The following RASEF variants were observed in gnomAD, a reference collection of about 807,000 sequenced individuals.
The protein encoded by RASEF is ras and EF-hand domain-containing protein.
In RASEF, 68 loss-of-function variants were observed where a neutral mutation model predicts 90.1. The observed-to-expected ratio is 0.75, with a 90% CI of 0.62 to 0.92. The LOEUF (loss-of-function observed/expected upper bound fraction) is 0.92. RASEF is among the 40% of genes least tolerant of loss of function. The pLI is 0.00. For missense variants in RASEF, 949 were observed against 937.2 expected, an observed-to-expected ratio of 1.01 and a Z score of -0.16; for synonymous variants, 331 against 345.2, an observed-to-expected ratio of 0.96 and a Z score of 0.46.
intron 1 of RASEF, among the ~76,000 whole-genome samples, chr9:83,042,862 CAA>C (rs1829865869): frequency 6.6e-6 from 1 of 152,006 alleles, no homozygotes; most frequent in South Asian, 2.1e-4. Context: ...CTTCAACAGA[CAA>C]AAGACCCAGG....
the RASEF span, among the ~76,000 whole-genome samples, chr9:83,198,964 AG>A: frequency 6.6e-6 from 1 of 152,248 alleles, no homozygotes; most frequent in Non-Finnish European, 1.5e-5. Flanking sequence ...CTCTGCATAC[AG>A]GCTCATACGA....
chr9:82,986,044 G>A (rs1026769112), intron 16 of RASEF, among the ~76,000 whole-genome samples: 2 of 152,138 alleles, frequency 1.3e-5, no homozygotes, highest in South Asian at 2.1e-4. Context: ...AAGTTACCAG[G>A]TAGAGATGGT....
rs548693017 is a variant in RASEF at position 83,049,366 on chromosome 9, G to A, written c.431+13071C>T. On this transcript the variant is annotated intron_variant, in intron 1 of 16. Transcript: ENST00000376447. ...ACATCTCCACAGTCAATGTCCGTGCGGGACTGGCTCATACATGGCTATCTT... is the reference window on the plus strand; with the variant it reads ...ACATCTCCACAGTCAATGTCCGTGCAGGACTGGCTCATACATGGCTATCTT... The A allele has an allele frequency of 1.9e-4, 188 of 983,734 alleles. 1 individual carries two copies. The African/African-American group carries it at 2.4e-3, about 13-fold the overall frequency. 60.9% of individuals were successfully genotyped at this position (983,734 alleles called of 1,614,324 possible).
chr9:83,075,716 G>T, the RASEF span, among the ~76,000 whole-genome samples: 64 of 152,018 alleles, frequency 4.2e-4, 1 homozygote, highest in African/African-American at 1.5e-3. Flanking sequence ...AAATAATGGA[G>T]AAATATACAT....
intron 1 of RASEF, among the ~76,000 whole-genome samples, chr9:83,058,279 T>C (rs1284674967): frequency 7.4e-6 from 1 of 135,300 alleles, no homozygotes; most frequent in East Asian, 2.5e-4. Flanking sequence ...GCCTCCCGGG[T>C]TCACACCATT....
At chr9:83,094,669 T>TA in the RASEF span, among the ~76,000 whole-genome samples, 4 of 152,018 alleles carry the variant, frequency 2.6e-5, no homozygotes, top group African/African-American at 4.8e-5. Context: ...AGTTTTCTTT[T>TA]AAAAAAAATT....
chr9:83,134,983 G>C, the RASEF span, among the ~76,000 whole-genome samples: 1 of 152,094 alleles, frequency 6.6e-6, no homozygotes, highest in African/African-American at 2.4e-5. Context: ...AAAGAAGACA[G>C]ACACAGAAGG....
rs199666885 is a variant in RASEF at position 83,009,808 on chromosome 9, G to C, written c.844-52C>G. 585 of 1,156,502 alleles carry C rather than the reference G, an allele frequency of 5.1e-4. 3 individuals are homozygous for C. Among genetic ancestry groups the C allele is most frequent in the Middle Eastern group, 4.3e-3 (22 of 5,166 alleles). The allele number at this position is 1,156,502 out of a possible 1,614,324, so 71.6% of individuals were successfully genotyped here. A position where few individuals can be genotyped will look rare whatever the true frequency, so the allele number is the denominator to read the frequency against. ...TTAGATTCAGATTTTCCTCTGCCTG[G>C]GAGAAATGAAGTAAAGTGTCCTGTC... is the stretch of plus-strand genomic sequence containing the variant. On this transcript the variant is annotated intron_variant, in intron 5 of 16. Coordinates refer to ENST00000376447, the MANE Select transcript of RASEF (RefSeq NM_152573.4).
chr9:82,990,191 G>A (rs962967430), intron 16 of RASEF, among the ~76,000 whole-genome samples, 200 bp downstream of exon 16: 1 of 152,114 alleles, frequency 6.6e-6, no homozygotes, highest in Non-Finnish European at 1.5e-5. Flanking sequence ...CACCTCTTTT[G>A]TTTGGTAGTA....
At chr9:83,111,779 A>C in the RASEF span, among the ~76,000 whole-genome samples, 1 of 152,072 alleles carries the variant, frequency 6.6e-6, no homozygotes, top group Non-Finnish European at 1.5e-5. Flanking sequence ...ATATGTAAAT[A>C]ATTTTAGGGT....
At chr9:83,015,952 C>T (rs534517139) in intron 3 of RASEF, 52 bp from the exon 4 acceptor site, 10 of 1,317,262 alleles carry the variant, frequency 7.6e-6, no homozygotes, top group East Asian at 2.3e-5. Flanking sequence ...CCCTCTTAAC[C>T]TTCAAAACCC....
chr9:83,142,711 G>A, the RASEF span, among the ~76,000 whole-genome samples: 4 of 152,132 alleles, frequency 2.6e-5, no homozygotes, highest in Non-Finnish European at 5.9e-5. Context: ...TTCAAGGATG[G>A]GAACCTGTGT....
chr9:83,085,742 T>C, the RASEF span, among the ~76,000 whole-genome samples: 2 of 151,852 alleles, frequency 1.3e-5, no homozygotes, highest in South Asian at 4.2e-4. Flanking sequence ...CTGACCAATA[T>C]AGTGAAATCC....
chr9:83,153,561 T>G, the RASEF span, among the ~76,000 whole-genome samples: 1 of 152,226 alleles, frequency 6.6e-6, no homozygotes, highest in Non-Finnish European at 1.5e-5. Flanking sequence ...GACCCTGAGC[T>G]GCCTTCTTTC....
At chr9:83,170,737 T>C in the RASEF span, among the ~76,000 whole-genome samples, 3 of 152,096 alleles carry the variant, frequency 2.0e-5, no homozygotes, top group African/African-American at 7.2e-5. Context: ...TTAGCTAGTA[T>C]AGAAACACTA....
chr9:83,210,060 T>C, the RASEF span, among the ~76,000 whole-genome samples: 1 of 152,238 alleles, frequency 6.6e-6, no homozygotes, highest in Non-Finnish European at 1.5e-5. Flanking sequence ...ATCATGTCTG[T>C]TCTGGAAGTA....
the RASEF span, among the ~76,000 whole-genome samples, chr9:83,087,962 C>G: frequency 1.3e-5 from 2 of 152,066 alleles, no homozygotes; most frequent in African/African-American, 2.4e-5. Context: ...TCATTGATCT[C>G]AAGTTATTTT....
At chr9:83,111,895 AT>A in the RASEF span, among the ~76,000 whole-genome samples, 3 of 152,056 alleles carry the variant, frequency 2.0e-5, no homozygotes, top group East Asian at 5.8e-4. Flanking sequence ...AAATGACAAA[AT>A]TAAATAATAC....
chr9:83,010,535 G>A (rs1260419983), intron 5 of RASEF, among the ~76,000 whole-genome samples: 3 of 152,120 alleles, frequency 2.0e-5, no homozygotes, highest in Non-Finnish European at 4.4e-5. Context: ...TGACCGGGCC[G>A]AACCCCAGAA....
Sources: allele counts gnomAD v4.1 joint callset (sites outside exome capture counted in the v4.1 genomes callset), GRCh38; gene constraint gnomAD v4.1.1; transcripts MANE v1.5; gene names NCBI Gene and HGNC (gene_info 2026-07-23, HGNC 2026-07-21).